MARCHF1: variants seen among roughly 807,000 people sequenced by gnomAD.
MARCHF1 encodes the protein E3 ubiquitin-protein ligase MARCHF1.
Under a neutral mutation model 54.2 loss-of-function variants are expected in MARCHF1, and 40 were observed. That is an observed-to-expected ratio of 0.74 (90% confidence interval 0.57 to 0.96). The LOEUF (loss-of-function observed/expected upper bound fraction) is 0.96, where lower values mean the gene tolerates loss of function less well. MARCHF1 is among the 40% of genes least tolerant of loss of function. The pLI is 0.00. For missense variants in MARCHF1, 586 were observed against 656.5 expected (o/e 0.89, Z 1.17); for synonymous variants, 236 against 236.3 (o/e 1.00, Z 0.01).
chr4:163,982,448 T>C (rs1465009195), intron 3 of MARCHF1, among the ~76,000 whole-genome samples: 1 of 152,196 alleles, frequency 6.6e-6, no homozygotes, highest in Non-Finnish European at 1.5e-5. Context: ...CCCAGCTATT[T>C]CCCATCTCAT....
chr4:163,539,267 C>T (rs926398870), intron 9 of MARCHF1, among the ~76,000 whole-genome samples: 1 of 152,080 alleles, frequency 6.6e-6, no homozygotes, highest in Non-Finnish European at 1.5e-5. Flanking sequence ...GTGATCTGCC[C>T]ACCTTGGCCT....
At position 164,095,287 on chromosome 4, in the gene MARCHF1, T is replaced by C. The variant is rs571789532; in HGVS notation, c.-248+16301A>G. On this transcript the variant is annotated intron_variant, in intron 2 of 9. Coordinates refer to ENST00000514618, the MANE Select transcript of MARCHF1 (RefSeq NM_001394959.1). ...ACTTAACCTTAGTACCTCAGTTTAC[T>C]CATTGGTAAAATAAGCATAGTAATA... Among the ~76,000 whole-genome samples the C allele has an allele frequency of 2.0e-5, 3 of 152,208 alleles. No homozygotes were observed. The South Asian group carries it at 6.2e-4, about 32-fold the overall frequency.
At chr4:163,793,750 C>A (rs541934067) in intron 4 of MARCHF1, among the ~76,000 whole-genome samples, 1 of 152,100 alleles carries the variant, frequency 6.6e-6, no homozygotes, top group African/African-American at 2.4e-5. Context: ...TGTGAAAATC[C>A]GTGTCCTGTT....
chr4:164,371,209 G>T (rs1302256613), intron 1 of MARCHF1, among the ~76,000 whole-genome samples: 3 of 152,060 alleles, frequency 2.0e-5, no homozygotes, highest in Non-Finnish European at 4.4e-5. Context: ...TACCTTTTGT[G>T]GTGGGGGGAT....
chr4:163,799,504 C>CA (rs1270983533), intron 4 of MARCHF1, among the ~76,000 whole-genome samples: 11 of 151,976 alleles, frequency 7.2e-5, no homozygotes, highest in Non-Finnish European at 1.2e-4. Flanking sequence ...TGTGAACTAG[C>CA]ATGTAAAAAG....
chr4:164,115,851 T>G (rs1755928188), intron 1 of MARCHF1, among the ~76,000 whole-genome samples: 1 of 152,004 alleles, frequency 6.6e-6, no homozygotes. Flanking sequence ...ATTCAAAGAT[T>G]TGGAAGATGT....
intron 5 of MARCHF1, among the ~76,000 whole-genome samples, chr4:163,669,267 T>A (rs1018476157): frequency 2.0e-5 from 3 of 152,152 alleles, no homozygotes; most frequent in African/African-American, 7.2e-5. Flanking sequence ...TTAGTAAGAG[T>A]GCTTCTCAGA....
chr4:164,021,103 T>C (rs1463427394), intron 2 of MARCHF1, among the ~76,000 whole-genome samples: 1 of 146,562 alleles, frequency 6.8e-6, no homozygotes, highest in East Asian at 2.0e-4. Context: ...TTTTTCCCTG[T>C]AGTGAACACT....
chr4:163,889,925 T>C (rs75780946), intron 3 of MARCHF1, among the ~76,000 whole-genome samples: 2,252 of 87,270 alleles, frequency 0.026, 90 homozygotes, highest in Non-Finnish European at 0.033. Context: ...TTTTCTTTTT[T>C]CTTTTTTTTT....
intron 4 of MARCHF1, among the ~76,000 whole-genome samples, chr4:163,753,418 G>A (rs1215546062): frequency 6.6e-6 from 1 of 152,026 alleles, no homozygotes; most frequent in Admixed American, 6.6e-5. Flanking sequence ...TCTGCTTTTT[G>A]AAGAACAATG....
chr4:164,344,956 G>A lies in MARCHF1; in HGVS notation c.-323+38914C>T, dbSNP rs533181951. On this transcript the variant is annotated intron_variant, in intron 1 of 9. Transcript: ENST00000514618. ...GGCTCATTAATGAAGTTTTCTCTTT[G>A]GCAAATTGTAATTAAATATTTCACA... Among the ~76,000 whole-genome samples, 4 of 152,166 alleles carry A rather than the reference G, an allele frequency of 2.6e-5. No individual in the cohort carries two copies. In the South Asian group the frequency reaches 8.3e-4, roughly 32 times the overall value.
intron 4 of MARCHF1, among the ~76,000 whole-genome samples, chr4:163,768,903 T>G (rs535528014): frequency 6.6e-6 from 1 of 152,184 alleles, no homozygotes; most frequent in Non-Finnish European, 1.5e-5. Context: ...AGCTCTTGAA[T>G]TGATATGCAA....
chr4:164,273,068 T>C, intron 1 of MARCHF1, among the ~76,000 whole-genome samples: 1 of 151,866 alleles, frequency 6.6e-6, no homozygotes, highest in South Asian at 2.1e-4. Flanking sequence ...TTTTTTTTTG[T>C]ATTTTAAGTT....
intron 1 of MARCHF1, among the ~76,000 whole-genome samples, chr4:164,243,330 T>C (rs1732835203): frequency 7.0e-6 from 1 of 142,446 alleles, no homozygotes; most frequent in African/African-American, 2.6e-5. Context: ...TATTCAACAT[T>C]CTTAAAGAAA....
intron 7 of MARCHF1, among the ~76,000 whole-genome samples, chr4:163,596,288 T>C (rs564448479): frequency 6.6e-6 from 1 of 152,152 alleles, no homozygotes; most frequent in East Asian, 1.9e-4. Context: ...ACACCTGTAA[T>C]CTCAGCACTT....
chr4:164,245,157 A>G (rs943481394), intron 1 of MARCHF1, among the ~76,000 whole-genome samples: 8 of 152,204 alleles, frequency 5.3e-5, no homozygotes, highest in Non-Finnish European at 1.2e-4. Context: ...CACAACAAAA[A>G]AAGAGAATTT....
chr4:164,208,296 T>A (rs1731669694), intron 1 of MARCHF1, among the ~76,000 whole-genome samples: 1 of 152,196 alleles, frequency 6.6e-6, no homozygotes, highest in Admixed American at 6.5e-5. Context: ...GAATTTAAAT[T>A]GCATCTAGAA....
intron 5 of MARCHF1, among the ~76,000 whole-genome samples, chr4:163,678,494 G>C (rs1209168281): frequency 6.6e-6 from 1 of 152,138 alleles, no homozygotes; most frequent in Non-Finnish European, 1.5e-5. Context: ...TTATAAGGAA[G>C]TTCAAATGTC....
intron 1 of MARCHF1, among the ~76,000 whole-genome samples, chr4:164,351,421 G>T (rs982800041): frequency 1.3e-5 from 2 of 150,488 alleles, no homozygotes; most frequent in Admixed American, 6.6e-5. Context: ...ATCTGAGAAT[G>T]GGCAGACTGC....
Sources: gnomAD v4.1 joint callset for allele counts (sites outside exome capture counted in the v4.1 genomes callset) on GRCh38, gnomAD v4.1.1 for gene constraint, MANE v1.5 for transcripts, NCBI Gene and HGNC (gene_info 2026-07-23, HGNC 2026-07-21) for gene names.